Variants in DIP2A observed in about 807,000 individuals in gnomAD.
DIP2A encodes the protein DIP2 acetate--CoA ligase A.
Under a neutral mutation model 177.4 loss-of-function variants are expected in DIP2A, and 85 were observed. That is an observed-to-expected ratio of 0.48 (90% confidence interval 0.40 to 0.57). The LOEUF (loss-of-function observed/expected upper bound fraction) is 0.57, where lower values mean the gene tolerates loss of function less well. DIP2A is among the 20% of genes least tolerant of loss of function. The pLI is 0.00. For synonymous variants in DIP2A, 886 were observed against 881.8 expected (o/e 1.00, Z -0.08); for missense variants, 1,791 against 2,100.2 (o/e 0.85, Z 2.88).
At chr21:46,505,941 C>T (rs1047904338) in intron 6 of DIP2A, among the ~76,000 whole-genome samples, 2 of 152,182 alleles carry the variant, frequency 1.3e-5, no homozygotes, top group African/African-American at 2.4e-5. Flanking sequence ...TAAATGGATG[C>T]ACCACAATTT....
intron 5 of DIP2A, among the ~76,000 whole-genome samples, chr21:46,503,571 T>C (rs62225682): frequency 0.3 from 24,341 of 80,922 alleles, 3,657 homozygotes; most frequent in African/African-American, 0.48. Flanking sequence ...TGAGGGAATT[T>C]CTTCCTTCCT....
At chr21:46,513,719 T>C (rs183234706) in intron 8 of DIP2A, among the ~76,000 whole-genome samples, 118 of 152,316 alleles carry the variant, frequency 7.7e-4, no homozygotes, top group Middle Eastern at 3.4e-3. Flanking sequence ...CAAAATGCTC[T>C]AAAATCTGAA....
At chr21:46,490,804 C>T in intron 3 of DIP2A, 85 bp downstream of exon 3, 1 of 1,431,774 alleles carries the variant, frequency 7.0e-7, no homozygotes, top group Non-Finnish European at 9.2e-7. Flanking sequence ...GTTATTTTTC[C>T]TTTGCCACAA....
intron 2 of DIP2A, 143 bp downstream of exon 2, chr21:46,484,971 A>G: frequency 1.4e-6 from 1 of 733,112 alleles, no homozygotes; most frequent in Non-Finnish European, 2.0e-6. Context: ...TGATTGAGAC[A>G]GGGTCTCGCT....
rs2060930049 is a variant in DIP2A at position 46,569,750 on chromosome 21, C to G, written c.*2128C>G. 6.6e-6 allele frequency: 1 copy of G among 151,288 alleles called. No individual in the cohort carries two copies. Among genetic ancestry groups the G allele is most frequent in the South Asian group, 2.1e-4 (1 of 4,776 alleles). The allele number at this position is 151,288 out of a possible 1,614,324, so 9.4% of individuals were successfully genotyped here. A position where few individuals can be genotyped will look rare whatever the true frequency, so the allele number is the denominator to read the frequency against. On this transcript the variant is annotated 3_prime_UTR_variant, in exon 38 of 38. Transcript: ENST00000417564. ...GTGTGAAAAGGGTCTTTAAATTACC[C>G]CGAATAGGTTGTATCTTATTTTGCT...
In DIP2A at chr21:46,563,160, G is replaced by T. The variant is rs146605910; in HGVS notation, c.4090-698G>T. Among the ~76,000 whole-genome samples, 1 of 152,136 alleles carries T rather than the reference G, an allele frequency of 6.6e-6. No individual in the cohort carries two copies. Among genetic ancestry groups the T allele is most frequent in the African/African-American group, 2.4e-5 (1 of 41,430 alleles). On this transcript the variant is annotated intron_variant, in intron 34 of 37. Coordinates refer to ENST00000417564, the MANE Select transcript of DIP2A (RefSeq NM_015151.4). The surrounding 1 kb of genome is among the most constrained non-coding windows in gnomAD (Gnocchi z 4.3). ...TGGGGAAACAGAACAGTCCCACTCC[G>T]CCGGGGAGGGTCTGGCGGTAACCGT...
Position 46,554,716 on chromosome 21 carries a change from G to A in DIP2A, c.3276+20G>A. 6.4e-7 allele frequency: 1 copy of A among 1,556,026 alleles called. No individual in the cohort carries two copies. Among genetic ancestry groups the A allele is most frequent in the Non-Finnish European group, 8.7e-7 (1 of 1,150,714 alleles). On this transcript the variant is annotated intron_variant, in intron 27 of 37. Coordinates refer to ENST00000417564, the MANE Select transcript of DIP2A (RefSeq NM_015151.4). ...GTGGAGGTGCGCCTACCTGGCCCGCGGGTCAGAGTCTGTGAGTGGGAGGCT... is the reference window on the plus strand; with the variant it reads ...GTGGAGGTGCGCCTACCTGGCCCGCAGGTCAGAGTCTGTGAGTGGGAGGCT...
chr21:46,535,166 A>G (rs1271222446), intron 13 of DIP2A, among the ~76,000 whole-genome samples: 2 of 152,236 alleles, frequency 1.3e-5, no homozygotes, highest in Non-Finnish European at 2.9e-5. Flanking sequence ...TAAATATATA[A>G]GTAGAATCTT....
At chr21:46,506,772 C>CT (rs777889428) in intron 6 of DIP2A, among the ~76,000 whole-genome samples, 1 of 60,604 alleles carries the variant, frequency 1.7e-5, no homozygotes, top group Non-Finnish European at 3.5e-5. Flanking sequence ...TTCTTTCTTT[C>CT]TTTTCTTTTC....
Position 46,563,958 on chromosome 21 carries a change from T to C in DIP2A, c.4164+26T>C. ...GTGAGCAGGGGCCCATGGGAGGGGC[T>C]TGAGCTCTCCAGCCTCACCAGCTTC... On this transcript the variant is annotated intron_variant, in intron 35 of 37. Coordinates refer to ENST00000417564, the MANE Select transcript of DIP2A (RefSeq NM_015151.4). The surrounding 1 kb of genome is among the most constrained non-coding windows in gnomAD (Gnocchi z 4.3). 6.2e-7 allele frequency: 1 copy of C among 1,607,622 alleles called. No individual in the cohort carries two copies. The highest frequency in any genetic ancestry group is 8.5e-7 in the Non-Finnish European group (1 of 1,177,300).
intron 1 of DIP2A, among the ~76,000 whole-genome samples, chr21:46,472,368 A>C (rs778742265): frequency 1.1e-4 from 17 of 152,206 alleles, no homozygotes; most frequent in Non-Finnish European, 8.8e-5. Flanking sequence ...ACGGACACTC[A>C]GTGTGTCATC....
In DIP2A at chr21:46,563,754, G is replaced by C; in HGVS notation, c.4090-104G>C. On this transcript the variant is annotated intron_variant, in intron 34 of 37. Transcript: ENST00000417564. The surrounding 1 kb of genome is among the most constrained non-coding windows in gnomAD (Gnocchi z 4.3). ...TTCCTGACCTGACATGAGCACATCA[G>C]TCCTGCAGGCCAGCTTCTGAGGGAC... 6 of 1,513,304 alleles carry C rather than the reference G, an allele frequency of 4.0e-6. No homozygotes were observed. Among genetic ancestry groups the C allele is most frequent in the Non-Finnish European group, 5.3e-6 (6 of 1,126,998 alleles). 93.7% of individuals were successfully genotyped at this position (1,513,304 alleles called of 1,614,324 possible).
chr21:46,484,480 G>A (rs573585647), intron 1 of DIP2A, among the ~76,000 whole-genome samples: 33 of 152,282 alleles, frequency 2.2e-4, no homozygotes, highest in African/African-American at 7.9e-4. Context: ...TTTCCAGAAT[G>A]TCATAAAAGT....
At chr21:46,541,015 CA>C (rs532906368) in intron 17 of DIP2A, among the ~76,000 whole-genome samples, 8,099 of 71,948 alleles carry the variant, frequency 0.11, 443 homozygotes, top group African/African-American at 0.26. Flanking sequence ...AACTCTGTGT[CA>C]AAAAAAAAAA....
Position 46,545,906 on chromosome 21 carries a change from C to T in DIP2A, c.2339C>T (p.Ala780Val). Residue 780 changes from alanine to valine, a missense_variant, in exon 20 of 38, where the codon GCA (alanine) becomes GTA (valine). By Grantham distance (64) the Ala-to-Val change is moderately conservative. Coordinates refer to ENST00000417564, the MANE Select transcript of DIP2A (RefSeq NM_015151.4). ...FEAVPVTTGG[A>V]PIFDRPFTRT... ...GCAGTTCCGGTCACCACAGGAGGAG[C>T]ACCCATCTTTGACAGGCCATTCACC... is the stretch of plus-strand genomic sequence containing the variant. 8 of 1,614,004 alleles carry T rather than the reference C, an allele frequency of 5.0e-6. No homozygotes were observed. The highest frequency in any genetic ancestry group is 5.9e-6 in the Non-Finnish European group (7 of 1,179,884).
chr21:46,539,383 C>T (rs561729451), intron 16 of DIP2A: 4 of 185,200 alleles, frequency 2.2e-5, no homozygotes, highest in African/African-American at 7.1e-5. Flanking sequence ...CACCTTTGAG[C>T]ACCCCCAGAG....
intron 2 of DIP2A, among the ~76,000 whole-genome samples, chr21:46,487,807 A>C (rs2056781206): frequency 6.6e-6 from 1 of 152,244 alleles, no homozygotes; most frequent in Non-Finnish European, 1.5e-5. Context: ...AGAAATAACC[A>C]AGACCCTAAT....
At chr21:46,488,921 G>T (rs1299708549) in intron 2 of DIP2A, among the ~76,000 whole-genome samples, 2 of 152,246 alleles carry the variant, frequency 1.3e-5, no homozygotes, top group Non-Finnish European at 2.9e-5. Context: ...AAGTCCGTCT[G>T]TGTATATGTC....
In DIP2A at chr21:46,563,761, A is replaced by G. The variant is rs2060746648; in HGVS notation, c.4090-97A>G. 1 of 1,525,998 alleles carries G rather than the reference A, an allele frequency of 6.6e-7. No homozygotes were observed. Among genetic ancestry groups the G allele is most frequent in the Admixed American group, 2.1e-5 (1 of 47,686 alleles). The allele number at this position is 1,525,998 out of a possible 1,614,324, so 94.5% of individuals were successfully genotyped here. A position where few individuals can be genotyped will look rare whatever the true frequency, so the allele number is the denominator to read the frequency against. Reference sequence around the variant, plus strand: ...CCTGACATGAGCACATCAGTCCTGCAGGCCAGCTTCTGAGGGACGTTATTT... The same window carrying G: ...CCTGACATGAGCACATCAGTCCTGCGGGCCAGCTTCTGAGGGACGTTATTT... On this transcript the variant is annotated intron_variant, in intron 34 of 37. Transcript: ENST00000417564. The surrounding 1 kb of genome is among the most constrained non-coding windows in gnomAD (Gnocchi z 4.3).
Sources: allele counts gnomAD v4.1 joint callset (sites outside exome capture counted in the v4.1 genomes callset), GRCh38; gene constraint gnomAD v4.1.1; non-coding constraint Gnocchi (gnomAD v3.1); transcripts MANE v1.5; gene names NCBI Gene and HGNC (gene_info 2026-07-23, HGNC 2026-07-21).